SEPTIN7: variants seen among roughly 807,000 people sequenced by gnomAD.
SEPTIN7 encodes septin-7.
In SEPTIN7, 10 loss-of-function variants were observed where a neutral mutation model predicts 63.3. The observed-to-expected ratio is 0.16, with a 90% confidence interval of 0.10 to 0.27. The LOEUF (loss-of-function observed/expected upper bound fraction) is 0.27, where lower values mean the gene tolerates loss of function less well. Among genes scored for constraint, SEPTIN7 ranks in the 10% least tolerant of loss-of-function variants. The pLI is 1.00. For synonymous variants in SEPTIN7, 131 were observed against 165.3 expected, an observed-to-expected ratio of 0.79 and a Z score of 1.59; for missense variants, 310 against 521.0, an observed-to-expected ratio of 0.59 and a Z score of 3.94.
intron 1 of SEPTIN7, among the ~76,000 whole-genome samples, chr7:35,807,889 C>T (rs970335302): frequency 9.9e-5 from 15 of 151,920 alleles, no homozygotes; most frequent in South Asian, 4.1e-4. Flanking sequence ...GTGGCATGAT[C>T]GTGGCTCACT....
chr7:35,911,306 A>G (rs1239998792), downstream of SEPTIN7, among the ~76,000 whole-genome samples: 1 of 152,232 alleles, frequency 6.6e-6, no homozygotes, highest in Non-Finnish European at 1.5e-5. Flanking sequence ...CTTGGCTGGC[A>G]ATAATGCCTG....
intron 13 of SEPTIN7, among the ~76,000 whole-genome samples, chr7:35,903,461 A>G (rs201655225): frequency 1.3e-5 from 2 of 152,228 alleles, no homozygotes; most frequent in East Asian, 3.9e-4. Flanking sequence ...CAACTTCATA[A>G]CATTCTCCCC....
At chr7:35,812,073 G>A in intron 1 of SEPTIN7, 1 of 245,818 alleles carries the variant, frequency 4.1e-6, no homozygotes, top group Non-Finnish European at 8.5e-6. Flanking sequence ...GTTGCCGTGA[G>A]CCAAGATCAA....
intron 4 of SEPTIN7, among the ~76,000 whole-genome samples, chr7:35,872,088 C>T (rs1275181162): frequency 6.6e-6 from 1 of 151,996 alleles, no homozygotes; most frequent in African/African-American, 2.4e-5. Flanking sequence ...TGTGGAGTAT[C>T]ACATTTGAGA....
intron 3 of SEPTIN7, among the ~76,000 whole-genome samples, chr7:35,856,759 G>A (rs78514487): frequency 0.047 from 7,113 of 152,158 alleles, 250 homozygotes; most frequent in South Asian, 0.18. Flanking sequence ...GTGGGGAGAT[G>A]GTCTTGGTTA....
chr7:35,862,435 TATTGTAGATATTTCTG>T (rs889565526), intron 3 of SEPTIN7, among the ~76,000 whole-genome samples: 3 of 152,328 alleles, frequency 2.0e-5, no homozygotes, highest in African/African-American at 7.2e-5. Flanking sequence ...CAAAAAGAAA[TATTGTAGATATTTCTG>T]ATAACATCCA....
intron 10 of SEPTIN7, among the ~76,000 whole-genome samples, chr7:35,887,629 GAGCCACCACACCCACCC>G (rs1377335651): frequency 1.3e-5 from 2 of 152,172 alleles, no homozygotes; most frequent in African/African-American, 4.8e-5. Context: ...TTACGGGCTT[GAGCCACCACACCCACCC>G]AGCCCAGAGG....
chr7:35,903,022 C>T (rs1788415093), intron 12 of SEPTIN7, 54 bp from the exon 13 acceptor site: 20 of 1,504,460 alleles, frequency 1.3e-5, no homozygotes, highest in East Asian at 1.2e-4. Context: ...TGAAACATAC[C>T]TCTGCTTCTG....
At chr7:35,886,548 A>AATGAT (rs1479381578) in intron 10 of SEPTIN7, among the ~76,000 whole-genome samples, 1 of 152,174 alleles carries the variant, frequency 6.6e-6, no homozygotes, top group East Asian at 1.9e-4. Context: ...AGGGCATCAA[A>AATGAT]ATGATCCTCA....
At chr7:35,807,861 G>T (rs143636981) in intron 1 of SEPTIN7, among the ~76,000 whole-genome samples, 7,104 of 151,852 alleles carry the variant, frequency 0.047, 249 homozygotes, top group South Asian at 0.17. Context: ...ACGGAGTCTT[G>T]CTCTGTCACC....
At position 35,805,843 on chromosome 7, in the gene SEPTIN7, A is replaced by C. The variant is rs143358310; in HGVS notation, c.61+4573A>C. Among the ~76,000 whole-genome samples the C allele has an allele frequency of 9.8e-5, 15 of 152,336 alleles. No homozygotes were observed. In the East Asian group the frequency reaches 2.9e-3, roughly 29 times the overall value. ...CTGGAAGTAAAAATGGACTTTCCTG[A>C]AGTTGTAACATCTTAATTCTGTTGT... is the stretch of plus-strand genomic sequence containing the variant. On this transcript the variant is annotated intron_variant, in intron 1 of 13. Transcript: ENST00000350320.
downstream of SEPTIN7, among the ~76,000 whole-genome samples, chr7:35,909,098 C>T (rs1189763364): frequency 2.6e-5 from 4 of 152,092 alleles, no homozygotes; most frequent in African/African-American, 7.2e-5. Context: ...CGGAATATAT[C>T]GGTGGGACAT....
chr7:35,914,439 A>G, the SEPTIN7 span, among the ~76,000 whole-genome samples: 1 of 152,146 alleles, frequency 6.6e-6, no homozygotes, highest in Non-Finnish European at 1.5e-5. Flanking sequence ...CCTTAAAAGA[A>G]ATAAGGCTGA....
At chr7:35,828,310 T>C (rs1319060659) in intron 1 of SEPTIN7, among the ~76,000 whole-genome samples, 1 of 152,178 alleles carries the variant, frequency 6.6e-6, no homozygotes, top group Non-Finnish European at 1.5e-5. Flanking sequence ...ATCCCTGAGA[T>C]GATCTTGGTT....
chr7:35,900,843 G>C (rs1345327018), intron 12 of SEPTIN7: 1 of 152,178 alleles, frequency 6.6e-6, no homozygotes, highest in African/African-American at 2.4e-5. Context: ...TCAAGGACCT[G>C]TGAAGAGCTC....
Position 35,882,592 on chromosome 7 carries a change from T to A in SEPTIN7, c.723+16T>A, listed in dbSNP as rs1420183727. 7.2e-7 allele frequency: 1 copy of A among 1,384,186 alleles called. No individual in the cohort carries two copies. Among genetic ancestry groups the A allele is most frequent in the African/African-American group, 1.5e-5 (1 of 66,294 alleles). The allele number at this position is 1,384,186 out of a possible 1,614,324, so 85.7% of individuals were successfully genotyped here. On this transcript the variant is annotated intron_variant, in intron 8 of 13. Transcript: ENST00000350320. The stretch of plus-strand genomic sequence containing the variant: ...AAAGATAAAGGTAGGTTCATCCCTG[T>A]ACACACGCTAAAGTAATCTGAGGCC...
intron 3 of SEPTIN7, among the ~76,000 whole-genome samples, chr7:35,845,549 G>T (rs991493381): frequency 9.2e-5 from 14 of 152,152 alleles, no homozygotes; most frequent in African/African-American, 3.4e-4. Flanking sequence ...AGATGGTTGA[G>T]AATTTATTCT....
In SEPTIN7 at chr7:35,832,098, C is replaced by G. The variant is rs142182468; in HGVS notation, c.66+602C>G. The G allele has an allele frequency of 8.8e-6, 4 of 453,074 alleles. No individual in the cohort carries two copies. The Admixed American group carries it at 9.5e-5, about 11-fold the overall frequency. The allele number at this position is 453,074 out of a possible 1,614,324, so 28.1% of individuals were successfully genotyped here. The stretch of plus-strand genomic sequence containing the variant: ...GAAGTAGATTTCTTTCAGTTACTCA[C>G]GAAACTATTGTTGAGGTCATCTAGG... On this transcript the variant is annotated intron_variant, in intron 2 of 13. Coordinates refer to ENST00000350320, the MANE Select transcript of SEPTIN7 (RefSeq NM_001788.6).
At chr7:35,890,898 A>T in intron 11 of SEPTIN7, 105 bp downstream of exon 11, 1 of 1,044,262 alleles carries the variant, frequency 9.6e-7, no homozygotes, top group Non-Finnish European at 1.3e-6. Context: ...GAAAATTTGG[A>T]TAATGTTCTT....
Sources: allele counts gnomAD v4.1 joint callset (sites outside exome capture counted in the v4.1 genomes callset), GRCh38; gene constraint gnomAD v4.1.1; transcripts MANE v1.5; gene names NCBI Gene and HGNC (gene_info 2026-07-23, HGNC 2026-07-21).